AGBL4: variants seen among roughly 807,000 people sequenced by gnomAD.
AGBL4 encodes the protein cytosolic carboxypeptidase 6.
Under a neutral mutation model 66.4 loss-of-function variants are expected in AGBL4, and 58 were observed. That is an observed-to-expected ratio of 0.87 (90% CI 0.71 to 1.09). The LOEUF (loss-of-function observed/expected upper bound fraction) is 1.09. Among genes scored for constraint, AGBL4 ranks in the 50% least tolerant of loss-of-function variants. The pLI is 0.00. For synonymous variants in AGBL4, 234 were observed against 222.9 expected, an observed-to-expected ratio of 1.05 and a Z score of -0.44; for missense variants, 579 against 631.0, an observed-to-expected ratio of 0.92 and a Z score of 0.88.
intron 4 of AGBL4, among the ~76,000 whole-genome samples, chr1:49,232,484 G>T (rs1257878672): frequency 6.6e-6 from 1 of 152,012 alleles, no homozygotes; most frequent in Non-Finnish European, 1.5e-5. Flanking sequence ...GGATCTTGAC[G>T]TCAGGAGATC....
chr1:49,507,517 G>A (rs1005729972), intron 3 of AGBL4, among the ~76,000 whole-genome samples: 3 of 151,778 alleles, frequency 2.0e-5, no homozygotes, highest in Non-Finnish European at 1.5e-5. Flanking sequence ...TCTGGTGAAT[G>A]TGTGAAGTTG....
At chr1:48,860,755 T>A (rs1192720305) in intron 6 of AGBL4, among the ~76,000 whole-genome samples, 1 of 152,154 alleles carries the variant, frequency 6.6e-6, no homozygotes, top group Non-Finnish European at 1.5e-5. Flanking sequence ...TAGAGGCAAC[T>A]GCAAAAACCA....
At chr1:48,936,159 G>A (rs1475068291) in intron 5 of AGBL4, among the ~76,000 whole-genome samples, 1 of 151,278 alleles carries the variant, frequency 6.6e-6, no homozygotes, top group African/African-American at 2.4e-5. Context: ...GTATGGTGGT[G>A]CATGCCTGTA....
chr1:49,294,928 T>G (rs1303061165), intron 3 of AGBL4, among the ~76,000 whole-genome samples: 1 of 152,226 alleles, frequency 6.6e-6, no homozygotes, highest in African/African-American at 2.4e-5. Context: ...TCCTCCAAAA[T>G]GGAACATTCT....
chr1:49,198,777 C>T (rs1182459941), intron 4 of AGBL4, among the ~76,000 whole-genome samples: 1 of 149,884 alleles, frequency 6.7e-6, no homozygotes, highest in Non-Finnish European at 1.5e-5. Context: ...CTGACCATTT[C>T]TTCTAAGTTT....
intron 5 of AGBL4, among the ~76,000 whole-genome samples, chr1:48,874,379 C>T (rs572489727): frequency 6.6e-6 from 1 of 152,260 alleles, no homozygotes; most frequent in East Asian, 1.9e-4. Context: ...GGCCTCTCTC[C>T]AAACTCACTG....
At chr1:49,708,024 T>C (rs1406382291) in intron 2 of AGBL4, among the ~76,000 whole-genome samples, 1 of 152,178 alleles carries the variant, frequency 6.6e-6, no homozygotes, top group Non-Finnish European at 1.5e-5. Context: ...CTGACGATTA[T>C]GTGTCTTGGG....
chr1:49,490,975 GA>G (rs1647174596), intron 3 of AGBL4, among the ~76,000 whole-genome samples: 2 of 151,486 alleles, frequency 1.3e-5, no homozygotes, highest in Non-Finnish European at 1.5e-5. Flanking sequence ...AAGAAAGAAA[GA>G]AAAAATATCT....
At chr1:49,263,373 AAAAT>A (rs1297594490) in intron 3 of AGBL4, among the ~76,000 whole-genome samples, 1 of 152,128 alleles carries the variant, frequency 6.6e-6, no homozygotes, top group African/African-American at 2.4e-5. Context: ...AAAAGATAAA[AAAAT>A]AGAGTAATCC....
chr1:48,588,136 A>T (rs1644853862), intron 10 of AGBL4, among the ~76,000 whole-genome samples: 1 of 152,146 alleles, frequency 6.6e-6, no homozygotes, highest in Non-Finnish European at 1.5e-5. Context: ...TTGCTCATAG[A>T]GGTGGAGCAA....
chr1:49,847,207 C>T (rs931567107), intron 2 of AGBL4, among the ~76,000 whole-genome samples: 20 of 152,222 alleles, frequency 1.3e-4, no homozygotes, highest in African/African-American at 4.6e-4. Flanking sequence ...GGATTGCCAC[C>T]TGCAGAAGAA....
intron 2 of AGBL4, among the ~76,000 whole-genome samples, chr1:49,807,141 C>G (rs1461213230): frequency 6.6e-6 from 1 of 152,138 alleles, no homozygotes; most frequent in Non-Finnish European, 1.5e-5. Context: ...AATGTCTAGG[C>G]TGTACCTAGT....
At chr1:49,051,376 C>T (rs907423301) in intron 4 of AGBL4, among the ~76,000 whole-genome samples, 4 of 152,138 alleles carry the variant, frequency 2.6e-5, no homozygotes. Context: ...TCCCACCATT[C>T]CAAGGCTGTG....
intron 3 of AGBL4, among the ~76,000 whole-genome samples, chr1:49,575,654 T>C (rs1426023578): frequency 1.3e-5 from 2 of 152,220 alleles, no homozygotes; most frequent in African/African-American, 4.8e-5. Flanking sequence ...GCGACTCCAA[T>C]TGCAGCTGCT....
chr1:49,906,601 G>A (rs1650299774), intron 1 of AGBL4, among the ~76,000 whole-genome samples: 1 of 151,848 alleles, frequency 6.6e-6, no homozygotes, highest in African/African-American at 2.4e-5. Flanking sequence ...CTTGTGTAAA[G>A]TATATCTCAA....
chr1:48,854,853 T>G (rs913437647), intron 6 of AGBL4, among the ~76,000 whole-genome samples: 4 of 152,184 alleles, frequency 2.6e-5, no homozygotes, highest in African/African-American at 9.7e-5. Context: ...GCTACAGCCA[T>G]CGTGAGACCA....
intron 1 of AGBL4, among the ~76,000 whole-genome samples, chr1:49,856,538 T>G (rs1646437564): frequency 6.6e-6 from 1 of 151,990 alleles, no homozygotes; most frequent in South Asian, 2.1e-4. Flanking sequence ...CATGCTCAAG[T>G]GGAATGTATC....
chr1:49,333,278 T>C (rs1348159504), intron 3 of AGBL4, among the ~76,000 whole-genome samples: 1 of 152,116 alleles, frequency 6.6e-6, no homozygotes, highest in African/African-American at 2.4e-5. Context: ...AGGAGATCAA[T>C]ACCATCCTGG....
chr1:48,854,246 G>T (rs1647095832), intron 6 of AGBL4, among the ~76,000 whole-genome samples: 1 of 152,164 alleles, frequency 6.6e-6, no homozygotes, highest in South Asian at 2.1e-4. Context: ...CCATGATCTT[G>T]ATTCATAAAT....
Sources: gnomAD v4.1 joint callset for allele counts (sites outside exome capture counted in the v4.1 genomes callset) on GRCh38, gnomAD v4.1.1 for gene constraint, MANE v1.5 for transcripts, NCBI Gene and HGNC (gene_info 2026-07-23, HGNC 2026-07-21) for gene names.